TIAM2: variants seen among roughly 807,000 people sequenced by gnomAD.
TIAM2 encodes TIAM Rac1 associated GEF 2, also known as rho guanine nucleotide exchange factor TIAM2.
TIAM2 carries 80 observed loss-of-function variants against 152.9 expected under a neutral mutation model. That is an observed-to-expected ratio of 0.52 (90% CI 0.44 to 0.63). TIAM2 has a LOEUF of 0.63. Ranked by LOEUF, TIAM2 falls within the 30% of genes least tolerant of loss-of-function variation. The pLI is 0.00. For missense variants in TIAM2, 1,965 were observed against 2,120.1 expected (o/e 0.93, Z 1.44); for synonymous variants, 804 against 838.0 (o/e 0.96, Z 0.70).
chr6:155,224,505 G>A (rs1294851161), intron 15 of TIAM2, among the ~76,000 whole-genome samples: 1 of 152,150 alleles, frequency 6.6e-6, no homozygotes, highest in African/African-American at 2.4e-5. Context: ...TTGTAAATCC[G>A]TCTCCTGCTG....
In TIAM2 at chr6:155,144,576, G is replaced by T. The variant is rs377161155; in HGVS notation, c.1631-30G>T. 3 of 1,486,836 alleles carry T rather than the reference G, an allele frequency of 2.0e-6. No individual in the cohort carries two copies. In the African/African-American group the frequency reaches 4.4e-5, roughly 22 times the overall value. 92.1% of individuals were successfully genotyped at this position (1,486,836 alleles called of 1,614,324 possible). A position where few individuals can be genotyped will look rare whatever the true frequency, so the allele number is the denominator to read the frequency against. On this transcript the variant is annotated intron_variant, in intron 5 of 26. Transcript: ENST00000682666. ...CTTTCCTGCATCTCCAGGTCTGACC[G>T]GGATGTTATTTTGCTTCTCTGTTTC...
chr6:155,155,286 C>T (rs959996350), intron 7 of TIAM2, among the ~76,000 whole-genome samples: 1 of 151,896 alleles, frequency 6.6e-6, no homozygotes, highest in East Asian at 1.9e-4. Flanking sequence ...AAGTGATTCT[C>T]GTCCCTCAGC....
intron 2 of TIAM2, among the ~76,000 whole-genome samples, chr6:155,096,516 C>G (rs944330293): frequency 1.3e-5 from 2 of 152,010 alleles, no homozygotes; most frequent in Non-Finnish European, 2.9e-5. Context: ...CCTACCCTTC[C>G]CAGCCTCTGG....
intron 2 of TIAM2, among the ~76,000 whole-genome samples, chr6:155,094,040 G>A (rs1313672285): frequency 6.6e-6 from 1 of 152,206 alleles, no homozygotes; most frequent in Non-Finnish European, 1.5e-5. Context: ...CCTAGAAAAT[G>A]TGATCAGGGG....
chr6:155,140,116 C>T (rs74452809), intron 5 of TIAM2, among the ~76,000 whole-genome samples: 68 of 152,340 alleles, frequency 4.5e-4, no homozygotes, highest in African/African-American at 1.6e-3. Context: ...TCATCAGCTA[C>T]CTCCTTAGAA....
chr6:155,146,452 T>C (rs1235512175), intron 6 of TIAM2, among the ~76,000 whole-genome samples: 1 of 152,178 alleles, frequency 6.6e-6, no homozygotes, highest in Non-Finnish European at 1.5e-5. Flanking sequence ...GGTTTGACCC[T>C]GTGACTCGAA....
rs189603658 is a variant in TIAM2, at chr6:155,152,926, T to C, written c.2028+4592T>C. Reference sequence around the variant, plus strand: ...TATTCCCTTGTCCATAGTTTGTAAATGTTTAATTGATGACATCATAGTTGG... The same window carrying C: ...TATTCCCTTGTCCATAGTTTGTAAACGTTTAATTGATGACATCATAGTTGG... On this transcript the variant is annotated intron_variant, in intron 7 of 26. Coordinates refer to ENST00000682666, the MANE Select transcript of TIAM2 (RefSeq NM_012454.4). Among the ~76,000 whole-genome samples, 1,000 of 152,292 alleles carry C rather than the reference T, an allele frequency of 6.6e-3. 5 individuals carry two copies. The highest frequency in any genetic ancestry group is 0.011 in the Non-Finnish European group (767 of 68,020).
At chr6:155,005,331 T>C (rs971544382) in intron 1 of TIAM2, 1 of 178,122 alleles carries the variant, frequency 5.6e-6, no homozygotes, top group East Asian at 1.4e-4. Flanking sequence ...TTTTTGTTTT[T>C]GTTTTTGTTT....
intron 16 of TIAM2, among the ~76,000 whole-genome samples, chr6:155,243,200 C>A (rs1783138335): frequency 6.6e-6 from 1 of 152,050 alleles, no homozygotes; most frequent in Non-Finnish European, 1.5e-5. Context: ...TTTTTTATTG[C>A]CTTTGAATAT....
At chr6:155,033,809 C>T (rs147971164) in intron 1 of TIAM2, among the ~76,000 whole-genome samples, 3,026 of 151,948 alleles carry the variant, frequency 0.02, 81 homozygotes, top group African/African-American at 0.069. Context: ...CTCCCCCTCC[C>T]GGGTTCAAGC....
Position 155,256,730 on chromosome 6 carries a change from A to C in TIAM2, c.4715A>C (p.Asp1572Ala), listed in dbSNP as rs768528587. The C allele has an allele frequency of 1.2e-6, 2 of 1,614,232 alleles. No individual in the cohort carries two copies. The highest frequency in any genetic ancestry group is 1.7e-6 in the Non-Finnish European group (2 of 1,180,034). The change falls in exon 27 of 27, where the codon GAT (aspartate) becomes GCT (alanine). Residue 1572 changes from aspartate to alanine, a missense_variant. By Grantham distance (126) the Asp-to-Ala change is moderately radical. This residue lies in a region of TIAM2 where 935 missense variants were observed against 980.0 expected (regional missense o/e 0.95). Transcript: ENST00000682666. ...GAGAGTGACATCCTGAGCGATGAAGATGATGACCACCGTCAGACTGTGAAG... is the reference window on the plus strand; with the variant it reads ...GAGAGTGACATCCTGAGCGATGAAGCTGATGACCACCGTCAGACTGTGAAG... Reference protein sequence around the residue: ...IKESDILSDEDDDHRQTVKQG... With the variant: ...IKESDILSDEADDHRQTVKQG...
At chr6:155,061,443 A>T (rs533538438) in intron 1 of TIAM2, among the ~76,000 whole-genome samples, 7 of 150,362 alleles carry the variant, frequency 4.7e-5, no homozygotes, top group Non-Finnish European at 1.0e-4. Flanking sequence ...CCAGTACCAG[A>T]GTTAGTTTAG....
At chr6:155,168,960 G>T in intron 9 of TIAM2, 1 of 1,436,034 alleles carries the variant, frequency 7.0e-7, no homozygotes, top group South Asian at 1.3e-5. Flanking sequence ...TTACATGAAT[G>T]ACACAAATGC....
At chr6:155,103,723 C>CAA (rs759945340) in intron 2 of TIAM2, among the ~76,000 whole-genome samples, 20,706 of 59,278 alleles carry the variant, frequency 0.35, 3,748 homozygotes, top group Admixed American at 0.39. Flanking sequence ...GACTCTGTCT[C>CAA]AAAAAAAAAA....
chr6:155,058,695 C>T (rs1777504079), intron 1 of TIAM2, among the ~76,000 whole-genome samples: 1 of 152,166 alleles, frequency 6.6e-6, no homozygotes, highest in Non-Finnish European at 1.5e-5. Flanking sequence ...CCTGTGATCA[C>T]TAAGTCTTGG....
At chr6:155,031,840 T>A (rs1776826468) in intron 1 of TIAM2, among the ~76,000 whole-genome samples, 1 of 152,216 alleles carries the variant, frequency 6.6e-6, no homozygotes, top group Non-Finnish European at 1.5e-5. Flanking sequence ...ATTTGAATTA[T>A]CTTACTTGCT....
chr6:155,179,299 A>T (rs1780834611), intron 11 of TIAM2, 79 bp from the exon 12 acceptor site: 2 of 1,513,988 alleles, frequency 1.3e-6, no homozygotes, highest in African/African-American at 2.8e-5. Flanking sequence ...TTCTTGTTTT[A>T]TGAAAAATAG....
At chr6:155,135,459 C>A (rs994290164) in intron 4 of TIAM2, among the ~76,000 whole-genome samples, 1 of 152,178 alleles carries the variant, frequency 6.6e-6, no homozygotes, top group African/African-American at 2.4e-5. Context: ...TGCTTGGCGT[C>A]TCTGCAGAGT....
At chr6:155,133,148 A>G (rs2352147) in intron 4 of TIAM2, among the ~76,000 whole-genome samples, 23,986 of 152,220 alleles carry the variant, frequency 0.16, 4,784 homozygotes, top group African/African-American at 0.47. Context: ...GGAGGTCAGG[A>G]GTTTGAGACC....
Sources: allele counts gnomAD v4.1 joint callset (sites outside exome capture counted in the v4.1 genomes callset), GRCh38; gene constraint gnomAD v4.1.1; regional missense constraint gnomAD v4.1.1; transcripts MANE v1.5; gene names NCBI Gene and HGNC (gene_info 2026-07-23, HGNC 2026-07-21).